ERBB4: variants seen among roughly 807,000 people sequenced by gnomAD.
ERBB4 encodes erb-b2 receptor tyrosine kinase 4.
Under a neutral mutation model 158.0 loss-of-function variants are expected in ERBB4, and 42 were observed. That is an observed-to-expected ratio of 0.27 (90% CI 0.21 to 0.34). The LOEUF (loss-of-function observed/expected upper bound fraction) is 0.34. ERBB4 is among the 10% of genes least tolerant of loss of function. The pLI, the probability that ERBB4 is intolerant of heterozygous loss-of-function variation, is 1.00. For synonymous variants in ERBB4, 583 were observed against 558.7 expected (o/e 1.04, Z -0.61); for missense variants, 1,333 against 1,624.1 (o/e 0.82, Z 3.08).
At chr2:212,021,059 C>T (rs997545426) in intron 2 of ERBB4, among the ~76,000 whole-genome samples, 2 of 152,036 alleles carry the variant, frequency 1.3e-5, no homozygotes, top group African/African-American at 4.8e-5. Flanking sequence ...TAAAAATATG[C>T]TCACCATGAT....
chr2:211,720,775 G>A (rs1052974148), intron 7 of ERBB4, among the ~76,000 whole-genome samples: 1 of 152,170 alleles, frequency 6.6e-6, no homozygotes, highest in Non-Finnish European at 1.5e-5. Flanking sequence ...GTCACACAAA[G>A]TGTTCATACC....
chr2:212,323,464 T>A (rs2087665280), intron 1 of ERBB4, among the ~76,000 whole-genome samples: 1 of 150,458 alleles, frequency 6.6e-6, no homozygotes, highest in Admixed American at 6.6e-5. Context: ...TATTGCTCTT[T>A]GCTCTCTACC....
chr2:211,826,460 A>G (rs982096096), intron 3 of ERBB4, among the ~76,000 whole-genome samples: 6 of 151,868 alleles, frequency 4.0e-5, no homozygotes, highest in Admixed American at 2.0e-4. Context: ...TTCCATCCAT[A>G]GCCCTTATTA....
At chr2:211,476,321 T>C (rs1271867569) in intron 20 of ERBB4, among the ~76,000 whole-genome samples, 1 of 152,084 alleles carries the variant, frequency 6.6e-6, no homozygotes, top group Non-Finnish European at 1.5e-5. Context: ...TTGATAGACA[T>C]TGAGTGCTCA....
intron 2 of ERBB4, among the ~76,000 whole-genome samples, chr2:212,005,633 T>C (rs886588433): frequency 6.6e-6 from 1 of 152,142 alleles, no homozygotes; most frequent in African/African-American, 2.4e-5. Context: ...GTAAAATATA[T>C]TGTAGGAACA....
At chr2:212,099,942 C>T (rs566716017) in intron 2 of ERBB4, among the ~76,000 whole-genome samples, 2 of 152,182 alleles carry the variant, frequency 1.3e-5, no homozygotes, top group South Asian at 2.1e-4. Flanking sequence ...ATAACCACCT[C>T]TAGCAAATCT....
chr2:212,025,642 C>A (rs543303278), intron 2 of ERBB4, among the ~76,000 whole-genome samples: 62 of 151,772 alleles, frequency 4.1e-4, no homozygotes, highest in Non-Finnish European at 5.8e-4. Context: ...TATCATAAGA[C>A]TTAATATATT....
chr2:212,455,815 A>C (rs1315338278), intron 1 of ERBB4, among the ~76,000 whole-genome samples: 4 of 152,140 alleles, frequency 2.6e-5, no homozygotes, highest in Non-Finnish European at 4.4e-5. Context: ...TAAGTATGAA[A>C]AAATTTATTG....
chr2:211,722,416 G>A lies in ERBB4; in HGVS notation c.860C>T (p.Ala287Val), dbSNP rs1225001174. 1 of 1,613,398 alleles carries A rather than the reference G, an allele frequency of 6.2e-7. No homozygotes were observed. Among genetic ancestry groups the A allele is most frequent in the East Asian group, 2.2e-5 (1 of 44,874 alleles). Residue 287 changes from alanine to valine, a missense_variant, in exon 7 of 28, where the codon GCA becomes GTA. By Grantham distance (64) the Ala-to-Val change is moderately conservative. Around this residue, in one of 5 missense-constraint regions of ERBB4, gnomAD observed 438 missense variants for 586.9 expected, o/e 0.75. Coordinates refer to ENST00000342788, the MANE Select transcript of ERBB4 (RefSeq NM_005235.3). Reference sequence around the variant, plus strand: ...ACGTGGACATTTCTTGACACAGAATGCTCCATATGTGTACTTTGCATTGAA... The same window carrying A: ...ACGTGGACATTTCTTGACACAGAATACTCCATATGTGTACTTTGCATTGAA... ...HNFNAKYTYG[A>V]FCVKKCPHNF... is the part of the protein sequence containing the mutation.
intron 2 of ERBB4, among the ~76,000 whole-genome samples, chr2:211,975,696 C>T (rs2081587008): frequency 6.6e-6 from 1 of 152,104 alleles, no homozygotes; most frequent in Admixed American, 6.6e-5. Context: ...ATTTATGCCT[C>T]ATTACTTTCA....
At chr2:211,415,361 C>T (rs940627731) in intron 25 of ERBB4, among the ~76,000 whole-genome samples, 12 of 151,916 alleles carry the variant, frequency 7.9e-5, no homozygotes, top group South Asian at 2.1e-4. Context: ...CCTCATGATC[C>T]GCCCGCCTCT....
chr2:211,569,455 A>G (rs2067649327), intron 19 of ERBB4, among the ~76,000 whole-genome samples: 1 of 152,218 alleles, frequency 6.6e-6, no homozygotes, highest in Non-Finnish European at 1.5e-5. Context: ...CTACCTGGAG[A>G]GGCAACTAGT....
At chr2:211,985,178 C>T (rs1013209011) in intron 2 of ERBB4, among the ~76,000 whole-genome samples, 1 of 151,914 alleles carries the variant, frequency 6.6e-6, no homozygotes, top group Non-Finnish European at 1.5e-5. Flanking sequence ...AGATGTTAAT[C>T]CAGAATATTT....
chr2:212,257,793 T>C (rs1373273681), intron 1 of ERBB4, among the ~76,000 whole-genome samples: 1 of 152,070 alleles, frequency 6.6e-6, no homozygotes, highest in African/African-American at 2.4e-5. Flanking sequence ...TAAGAAGAAA[T>C]AGATTCAGTT....
intron 20 of ERBB4, among the ~76,000 whole-genome samples, chr2:211,461,969 C>T (rs1310365265): frequency 1.3e-5 from 2 of 151,792 alleles, no homozygotes; most frequent in Non-Finnish European, 2.9e-5. Context: ...TCTGGTTTTG[C>T]CATTTTATGG....
At chr2:211,687,049 A>G (rs1012675419) in intron 12 of ERBB4, among the ~76,000 whole-genome samples, 1 of 151,996 alleles carries the variant, frequency 6.6e-6, no homozygotes, top group African/African-American at 2.4e-5. Context: ...TAATCCCAGC[A>G]CTTTGGGAGG....
intron 20 of ERBB4, among the ~76,000 whole-genome samples, chr2:211,503,580 G>C (rs1348957388): frequency 6.6e-6 from 1 of 152,110 alleles, no homozygotes; most frequent in Non-Finnish European, 1.5e-5. Flanking sequence ...CTGCTTCAGG[G>C]ACTCACAGTT....
chr2:212,094,575 A>AT (rs1042982813), intron 2 of ERBB4, among the ~76,000 whole-genome samples: 1 of 142,360 alleles, frequency 7.0e-6, no homozygotes, highest in Non-Finnish European at 1.5e-5. Flanking sequence ...ATAAAAAAAT[A>AT]AAAAAAAAAA....
intron 3 of ERBB4, among the ~76,000 whole-genome samples, chr2:211,899,514 A>T (rs1212603283): frequency 6.6e-6 from 1 of 152,118 alleles, no homozygotes; most frequent in African/African-American, 2.4e-5. Context: ...GAAACCAATC[A>T]CAAAGTAATT....
Sources: gnomAD v4.1 joint callset for allele counts (sites outside exome capture counted in the v4.1 genomes callset) on GRCh38, gnomAD v4.1.1 for gene constraint, gnomAD v4.1.1 regional missense constraint, MANE v1.5 for transcripts, NCBI Gene and HGNC (gene_info 2026-07-23, HGNC 2026-07-21) for gene names.